TTC6: variants seen among roughly 807,000 people sequenced by gnomAD.
The protein encoded by TTC6 is tetratricopeptide repeat protein 6.
In TTC6, 172 loss-of-function variants were observed where a neutral mutation model predicts 210.4. The ratio of observed to expected loss-of-function variants is 0.82; its 90% CI spans 0.72 to 0.93. The LOEUF is 0.93. TTC6 is among the 40% of genes least tolerant of loss of function. The pLI, the probability that TTC6 is intolerant of heterozygous loss-of-function variation, is 0.00. For missense variants in TTC6, 2,414 were observed against 2,318.1 expected, an observed-to-expected ratio of 1.04 and a Z score of -0.85; for synonymous variants, 804 against 819.6, an observed-to-expected ratio of 0.98 and a Z score of 0.32.
intron 24 of TTC6, among the ~76,000 whole-genome samples, chr14:37,811,360 A>G (rs758148448): frequency 2.6e-5 from 4 of 152,194 alleles, no homozygotes; most frequent in Non-Finnish European, 4.4e-5. Flanking sequence ...TTATGCCACA[A>G]CATACCTATA....
At chr14:37,704,663 T>C (rs2095831973) in intron 5 of TTC6, among the ~76,000 whole-genome samples, 1 of 152,016 alleles carries the variant, frequency 6.6e-6, no homozygotes, top group Admixed American at 6.6e-5. Flanking sequence ...ATATTTTCAA[T>C]TTGTTGTCTG....
At chr14:37,828,249 A>G (rs954598212) in intron 29 of TTC6, among the ~76,000 whole-genome samples, 2 of 152,058 alleles carry the variant, frequency 1.3e-5, no homozygotes, top group African/African-American at 4.8e-5. Context: ...ATGCATTTAC[A>G]TGATTCAAAC....
intron 15 of TTC6, among the ~76,000 whole-genome samples, chr14:37,788,677 T>G (rs976061630): frequency 1.3e-5 from 2 of 152,180 alleles, no homozygotes; most frequent in African/African-American, 4.8e-5. Context: ...CCCTCACTTC[T>G]GTGGCTACTG....
At chr14:37,800,216 A>G (rs922966522) in intron 20 of TTC6, among the ~76,000 whole-genome samples, 3 of 152,158 alleles carry the variant, frequency 2.0e-5, no homozygotes, top group African/African-American at 7.2e-5. Flanking sequence ...CTCTGAGGCA[A>G]ATGAGCAACA....
At chr14:37,627,323 A>G (rs944632692) in intron 1 of TTC6, among the ~76,000 whole-genome samples, 4 of 150,908 alleles carry the variant, frequency 2.7e-5, no homozygotes, top group Non-Finnish European at 5.9e-5. Flanking sequence ...TTTTATTTTT[A>G]TTATTATACT....
intron 1 of TTC6, among the ~76,000 whole-genome samples, chr14:37,623,774 C>T (rs2095655604): frequency 6.6e-6 from 1 of 152,114 alleles, no homozygotes; most frequent in Non-Finnish European, 1.5e-5. Context: ...CCAGGACAGC[C>T]CATTGATTCA....
In TTC6 at chr14:37,673,694, A is replaced by G. The variant is rs75900644; in HGVS notation, c.940-6457A>G. Among the ~76,000 whole-genome samples, 118 of 152,256 alleles carry G rather than the reference A, an allele frequency of 7.8e-4. 2 individuals carry two copies. The East Asian group carries it at 0.021, about 28-fold the overall frequency. ...ATGTGGTCTGTTTGTTTTGAATACT[A>G]AACAGCACCCTTTAAGCCTCAAAGC... On this transcript the variant is annotated intron_variant, in intron 1 of 30. Coordinates refer to ENST00000553443, the Ensembl canonical transcript of TTC6.
chr14:37,626,995 G>C (rs111599042), intron 1 of TTC6, among the ~76,000 whole-genome samples: 1,910 of 152,280 alleles, frequency 0.013, 22 homozygotes, highest in Non-Finnish European at 0.019. Context: ...GGCCTGGTGG[G>C]AGGTGTTTGG....
At chr14:37,730,918 C>T (rs150150516) in intron 7 of TTC6, among the ~76,000 whole-genome samples, 1 of 152,266 alleles carries the variant, frequency 6.6e-6, no homozygotes, top group Non-Finnish European at 1.5e-5. Context: ...CCAGTCACCT[C>T]TATGTGTGAG....
rs1431498521 is a variant in TTC6, at chr14:37,801,181, C to G, written c.4030-3499C>G. On this transcript the variant is annotated intron_variant, in intron 20 of 30. Transcript: ENST00000553443. ...TGTTTTGGGGACAGATAACTTGTCT[C>G]TTTAATTTCACAAGTCCACAGATGG... Among the ~76,000 whole-genome samples the G allele has an allele frequency of 5.9e-5, 9 of 152,284 alleles. No individual in the cohort carries two copies. The East Asian group carries it at 1.2e-3, about 20-fold the overall frequency.
At chr14:37,623,313 C>T (rs905964940) in intron 1 of TTC6, among the ~76,000 whole-genome samples, 1 of 152,062 alleles carries the variant, frequency 6.6e-6, no homozygotes, top group Non-Finnish European at 1.5e-5. Context: ...TCAAAGGTTT[C>T]GTGATTATTT....
In TTC6 at chr14:37,741,064, T is replaced by G. The variant is rs574914418; in HGVS notation, c.2363+1909T>G. Among the ~76,000 whole-genome samples the G allele has an allele frequency of 6.3e-4, 96 of 152,250 alleles. 1 individual carries two copies. The highest frequency in any genetic ancestry group is 1.0e-3 in the South Asian group (5 of 4,820). On this transcript the variant is annotated intron_variant, in intron 10 of 30. Transcript: ENST00000553443. ...GAAATTTGTATGTGCTGCCAATGGG[T>G]GTAACAGGAACCATAGGATGAACCT...
chr14:37,777,412 T>C (rs538744728), intron 14 of TTC6, among the ~76,000 whole-genome samples: 1 of 152,356 alleles, frequency 6.6e-6, no homozygotes, highest in East Asian at 1.9e-4. Flanking sequence ...TGCAATTGTA[T>C]TCTGAAATTC....
intron 1 of TTC6, among the ~76,000 whole-genome samples, chr14:37,624,377 C>T (rs2095656556): frequency 6.6e-6 from 1 of 152,184 alleles, no homozygotes; most frequent in African/African-American, 2.4e-5. Context: ...GGTGCCCCTA[C>T]TTCTGACATA....
intron 26 of TTC6, among the ~76,000 whole-genome samples, chr14:37,823,335 G>A (rs1325410484): frequency 6.6e-6 from 1 of 152,020 alleles, no homozygotes. Flanking sequence ...CATTGTATAA[G>A]GAAATATTAA....
At chr14:37,796,452 A>C (rs1022692322) in intron 19 of TTC6, 82 bp downstream of exon 21, 15 of 594,948 alleles carry the variant, frequency 2.5e-5, no homozygotes, top group Non-Finnish European at 3.7e-5. Flanking sequence ...TATAAATAGC[A>C]TGAAGGATCC....
At chr14:37,640,336 A>G (rs972471585) in intron 1 of TTC6, among the ~76,000 whole-genome samples, 3 of 152,114 alleles carry the variant, frequency 2.0e-5, no homozygotes, top group African/African-American at 7.2e-5. Flanking sequence ...GAGGTGATCA[A>G]TTTCTATGCA....
intron 20 of TTC6, among the ~76,000 whole-genome samples, chr14:37,800,136 G>GA (rs769892473): frequency 1.6e-4 from 24 of 152,114 alleles, no homozygotes; most frequent in Non-Finnish European, 2.9e-4. Context: ...GAACATGACA[G>GA]AAAAAGCTTC....
At chr14:37,662,567 C>G (rs1319620504) in intron 1 of TTC6, among the ~76,000 whole-genome samples, 1 of 152,118 alleles carries the variant, frequency 6.6e-6, no homozygotes, top group Non-Finnish European at 1.5e-5. Flanking sequence ...TTTACTCTGT[C>G]TTGAATTGAT....
Sources: gnomAD v4.1 joint callset for allele counts (sites outside exome capture counted in the v4.1 genomes callset) on GRCh38, gnomAD v4.1.1 for gene constraint, MANE v1.5 for transcripts, NCBI Gene and HGNC (gene_info 2026-07-23, HGNC 2026-07-21) for gene names.